Variants in RBPMS observed in about 807,000 individuals in gnomAD.
The protein encoded by RBPMS is RNA-binding protein with multiple splicing.
Under a neutral mutation model 26.8 loss-of-function variants are expected in RBPMS, and 7 were observed. The observed-to-expected ratio is 0.26, with a 90% CI of 0.15 to 0.49. RBPMS has a LOEUF of 0.49. Among genes scored for constraint, RBPMS ranks in the 20% least tolerant of loss-of-function variants. The pLI is 0.98. For missense variants in RBPMS, 186 were observed against 250.0 expected (o/e 0.74, Z 1.73); for synonymous variants, 96 against 93.3 (o/e 1.03, Z -0.17).
At chr8:30,409,175 C>G (rs916333528) in intron 1 of RBPMS, among the ~76,000 whole-genome samples, 3 of 151,212 alleles carry the variant, frequency 2.0e-5, no homozygotes. Flanking sequence ...CCCTCAATGT[C>G]TAGTGCCTAG....
chr8:30,440,702 T>C (rs933311789), intron 1 of RBPMS, among the ~76,000 whole-genome samples: 1 of 152,178 alleles, frequency 6.6e-6, no homozygotes, highest in African/African-American at 2.4e-5. Context: ...GTTTTTGATT[T>C]TTTGAGGTTC....
chr8:30,455,071 C>A (rs543141314), intron 1 of RBPMS, among the ~76,000 whole-genome samples: 3 of 152,342 alleles, frequency 2.0e-5, no homozygotes, highest in South Asian at 4.1e-4. Flanking sequence ...GATCCGCCTG[C>A]CTTGGCCTCC....
At chr8:30,532,360 T>C (rs560573072) in intron 5 of RBPMS, among the ~76,000 whole-genome samples, 12 of 152,374 alleles carry the variant, frequency 7.9e-5, no homozygotes, top group African/African-American at 2.9e-4. Flanking sequence ...ACATTATTTA[T>C]ACCCCCAGAT....
At chr8:30,493,664 A>G (rs941112285) in intron 4 of RBPMS, among the ~76,000 whole-genome samples, 3 of 151,990 alleles carry the variant, frequency 2.0e-5, no homozygotes, top group Admixed American at 6.6e-5. Flanking sequence ...TATTTCTTTA[A>G]TGGGTAACTG....
intron 5 of RBPMS, among the ~76,000 whole-genome samples, chr8:30,539,192 G>A (rs1825123373): frequency 6.6e-6 from 1 of 152,154 alleles, no homozygotes; most frequent in Non-Finnish European, 1.5e-5. Context: ...TGTCATGGCT[G>A]CTGTTTTTCC....
intron 5 of RBPMS, among the ~76,000 whole-genome samples, chr8:30,516,162 T>C (rs1822285297): frequency 1.3e-5 from 2 of 152,184 alleles, no homozygotes; most frequent in South Asian, 2.1e-4. Context: ...GGCGGATTAC[T>C]TGAGGTCAGT....
At chr8:30,558,644 G>A (rs1827180661) in intron 6 of RBPMS, 3 of 588,228 alleles carry the variant, frequency 5.1e-6, no homozygotes, top group South Asian at 2.0e-5. Flanking sequence ...TGGAACCTCG[G>A]GCACTTCTCG....
At chr8:30,569,250 CCTACAGT>C (rs1345123022) in intron 8 of RBPMS, among the ~76,000 whole-genome samples, 1 of 152,186 alleles carries the variant, frequency 6.6e-6, no homozygotes, top group Non-Finnish European at 1.5e-5. Context: ...TTTTGTGTGT[CCTACAGT>C]CTAAGTGTCT....
At chr8:30,565,445 G>A (rs1355775346) in intron 7 of RBPMS, 1 of 152,244 alleles carries the variant, frequency 6.6e-6, no homozygotes, top group East Asian at 1.9e-4. Flanking sequence ...TGTCTGCAGG[G>A]AGGGAGATCT....
chr8:30,523,393 T>G (rs987070549), intron 5 of RBPMS, among the ~76,000 whole-genome samples: 1 of 150,316 alleles, frequency 6.7e-6, no homozygotes, highest in East Asian at 1.9e-4. Flanking sequence ...AAAAAAAAAG[T>G]AATAATGATG....
chr8:30,555,201 C>A lies in RBPMS; in HGVS notation c.529-3686C>A, dbSNP rs1228772233. 3.9e-5 allele frequency among the ~76,000 whole-genome samples: 6 copies of A among 152,300 alleles called. No individual in the cohort carries two copies. The South Asian group carries it at 6.2e-4, about 16-fold the overall frequency. On this transcript the variant is annotated intron_variant, in intron 6 of 8. Coordinates refer to ENST00000397323, the MANE Select transcript of RBPMS (RefSeq NM_001008710.3). Reference sequence around the variant, plus strand: ...TCTTGGTGCTCTCCTGTTGTCCAATCTGTCACCATGCTGAGTGCTGGAGAC... The same window carrying A: ...TCTTGGTGCTCTCCTGTTGTCCAATATGTCACCATGCTGAGTGCTGGAGAC...
intron 2 of RBPMS, among the ~76,000 whole-genome samples, chr8:30,475,477 C>T (rs1220952045): frequency 1.3e-5 from 2 of 152,190 alleles, no homozygotes; most frequent in Non-Finnish European, 2.9e-5. Context: ...CGAATCGGGG[C>T]CCTGGAAGGG....
intron 6 of RBPMS, among the ~76,000 whole-genome samples, chr8:30,557,804 A>G (rs1282373922): frequency 2.0e-5 from 3 of 152,234 alleles, no homozygotes; most frequent in African/African-American, 7.2e-5. Flanking sequence ...CCTGTGTCCA[A>G]AAACATGTCC....
intron 1 of RBPMS, among the ~76,000 whole-genome samples, chr8:30,434,776 AACACAC>A (rs33991199): frequency 2.7e-5 from 4 of 147,428 alleles, no homozygotes; most frequent in Admixed American, 6.8e-5. Flanking sequence ...ATTCCCATAT[AACACAC>A]ACACACACAC....
chr8:30,449,538 T>G (rs1334972690), intron 1 of RBPMS, among the ~76,000 whole-genome samples: 2 of 152,086 alleles, frequency 1.3e-5, no homozygotes, highest in African/African-American at 4.8e-5. Context: ...GCCCAGCTAA[T>G]TTTTGTATTT....
chr8:30,559,446 T>G (rs1156758745), intron 7 of RBPMS, among the ~76,000 whole-genome samples: 3 of 152,252 alleles, frequency 2.0e-5, no homozygotes, highest in Non-Finnish European at 2.9e-5. Flanking sequence ...AGTGCACAGT[T>G]CCAGCAGGCT....
At chr8:30,502,428 C>T in intron 4 of RBPMS, among the ~76,000 whole-genome samples, 1 of 152,126 alleles carries the variant, frequency 6.6e-6, no homozygotes, top group South Asian at 2.1e-4. Flanking sequence ...CAACTAGGTC[C>T]CAGGATACTC....
chr8:30,545,056 G>A, intron 6 of RBPMS: 1 of 1,394,634 alleles, frequency 7.2e-7, no homozygotes, highest in Non-Finnish European at 9.4e-7. Context: ...CCACTCTCGT[G>A]TACGGTGAGA....
chr8:30,485,427 G>A (rs903518327), intron 4 of RBPMS, among the ~76,000 whole-genome samples: 1 of 152,132 alleles, frequency 6.6e-6, no homozygotes, highest in African/African-American at 2.4e-5. Context: ...CAATTAGTGA[G>A]ATCCCAGCTG....
Sources: allele counts gnomAD v4.1 joint callset (sites outside exome capture counted in the v4.1 genomes callset), GRCh38; gene constraint gnomAD v4.1.1; transcripts MANE v1.5; gene names NCBI Gene and HGNC (gene_info 2026-07-23, HGNC 2026-07-21).